CNTN4: variants seen among roughly 807,000 people sequenced by gnomAD.
The protein encoded by CNTN4 is contactin-4.
Under a neutral mutation model 122.5 loss-of-function variants are expected in CNTN4, and 77 were observed. The ratio of observed to expected loss-of-function variants is 0.63; its 90% confidence interval spans 0.52 to 0.76. CNTN4 has a LOEUF of 0.76. Ranked by LOEUF, CNTN4 falls within the 30% of genes least tolerant of loss-of-function variation. CNTN4 has a pLI of 0.00. For missense variants in CNTN4, 1,256 were observed against 1,259.1 expected (o/e 1.00, Z 0.04); for synonymous variants, 512 against 447.0 (o/e 1.15, Z -1.83).
intron 3 of CNTN4, among the ~76,000 whole-genome samples, chr3:2,414,051 G>C (rs2047324137): frequency 6.6e-6 from 1 of 152,136 alleles, no homozygotes; most frequent in South Asian, 2.1e-4. Flanking sequence ...TCACCCCATA[G>C]ACAGTGGGGA....
chr3:2,172,719 G>T (rs575205326), intron 2 of CNTN4, among the ~76,000 whole-genome samples: 1 of 152,190 alleles, frequency 6.6e-6, no homozygotes, highest in African/African-American at 2.4e-5. Context: ...AACTGCTCTA[G>T]CTGCAGTGTA....
intron 2 of CNTN4, among the ~76,000 whole-genome samples, chr3:2,125,268 A>G (rs2034067758): frequency 6.6e-6 from 1 of 151,846 alleles, no homozygotes; most frequent in African/African-American, 2.4e-5. Context: ...TTCCAGGTAC[A>G]TGTATGTTGT....
intron 4 of CNTN4, among the ~76,000 whole-genome samples, chr3:2,644,508 C>A (rs1374944523): frequency 6.6e-6 from 1 of 151,688 alleles, no homozygotes; most frequent in Non-Finnish European, 1.5e-5. Flanking sequence ...CATGCTTTAC[C>A]CTGTATCTCT....
At chr3:3,021,747 C>T (rs1353807824) in intron 14 of CNTN4, among the ~76,000 whole-genome samples, 4 of 152,112 alleles carry the variant, frequency 2.6e-5, no homozygotes, top group Non-Finnish European at 5.9e-5. Context: ...AAATGGAATT[C>T]GTATCCTGTG....
intron 12 of CNTN4, among the ~76,000 whole-genome samples, chr3:2,919,883 A>G (rs149668403): frequency 6.6e-6 from 1 of 152,284 alleles, no homozygotes; most frequent in African/African-American, 2.4e-5. Flanking sequence ...TATATAAGAA[A>G]TAATGTTCTA....
At chr3:2,890,999 A>AT (rs79380829) in intron 10 of CNTN4, among the ~76,000 whole-genome samples, 63,306 of 151,560 alleles carry the variant, frequency 0.42, 13,493 homozygotes, top group East Asian at 0.67. Context: ...TGTTTAACAA[A>AT]TTTTTTTTTA....
chr3:2,907,204 C>T (rs1368787434), intron 12 of CNTN4, among the ~76,000 whole-genome samples: 1 of 152,154 alleles, frequency 6.6e-6, no homozygotes, highest in Non-Finnish European at 1.5e-5. Context: ...ACTAAATTGT[C>T]ATTACCTATG....
At chr3:2,286,203 C>G (rs1468104239) in intron 2 of CNTN4, among the ~76,000 whole-genome samples, 6 of 138,790 alleles carry the variant, frequency 4.3e-5, no homozygotes, top group African/African-American at 1.5e-4. Context: ...TCTCGGATCT[C>G]CTGCCGTGTG....
chr3:2,874,468 G>A (rs569667810), intron 8 of CNTN4, among the ~76,000 whole-genome samples: 1 of 152,254 alleles, frequency 6.6e-6, no homozygotes, highest in South Asian at 2.1e-4. Flanking sequence ...GCATTCTTTT[G>A]ATCATGCATT....
chr3:2,544,476 T>A (rs1231106486), intron 3 of CNTN4, among the ~76,000 whole-genome samples: 1 of 152,100 alleles, frequency 6.6e-6, no homozygotes, highest in East Asian at 1.9e-4. Context: ...TCTGATGGGA[T>A]ACAAAAAATG....
chr3:2,748,567 A>C (rs2089921967), intron 6 of CNTN4, among the ~76,000 whole-genome samples: 1 of 152,176 alleles, frequency 6.6e-6, no homozygotes, highest in Admixed American at 6.5e-5. Flanking sequence ...ATGAAATTAA[A>C]CCTTTAATTT....
chr3:2,593,371 A>T (rs549692220), intron 4 of CNTN4, among the ~76,000 whole-genome samples: 2 of 152,292 alleles, frequency 1.3e-5, no homozygotes, highest in East Asian at 3.9e-4. Flanking sequence ...CTTCGCAATT[A>T]TCGGATAGGT....
chr3:2,671,384 G>A (rs186461627), intron 4 of CNTN4, among the ~76,000 whole-genome samples: 2 of 152,148 alleles, frequency 1.3e-5, no homozygotes, highest in East Asian at 3.9e-4. Flanking sequence ...GATCGAATCG[G>A]CTACTGAAGC....
At chr3:2,894,463 T>C (rs2094083428) in intron 10 of CNTN4, among the ~76,000 whole-genome samples, 1 of 152,238 alleles carries the variant, frequency 6.6e-6, no homozygotes, top group South Asian at 2.1e-4. Flanking sequence ...TGAATCTGGA[T>C]GTTAATGTCT....
chr3:2,275,554 A>G (rs2041473907), intron 2 of CNTN4, among the ~76,000 whole-genome samples: 2 of 151,708 alleles, frequency 1.3e-5, no homozygotes, highest in African/African-American at 2.4e-5. Context: ...ACAATTATAT[A>G]TTATATACAT....
chr3:2,932,531 T>G (rs1017199953), intron 13 of CNTN4, among the ~76,000 whole-genome samples: 2 of 152,188 alleles, frequency 1.3e-5, no homozygotes, highest in African/African-American at 2.4e-5. Context: ...GTTTCCAGCT[T>G]CTACAGGTCA....
intron 7 of CNTN4, among the ~76,000 whole-genome samples, chr3:2,832,683 G>T (rs1319443179): frequency 6.6e-6 from 1 of 152,206 alleles, no homozygotes; most frequent in African/African-American, 2.4e-5. Flanking sequence ...TGAAAGTGGT[G>T]ACTGAAGCAA....
intron 2 of CNTN4, among the ~76,000 whole-genome samples, chr3:2,182,443 C>G (rs1290309296): frequency 6.0e-5 from 9 of 150,000 alleles, no homozygotes; most frequent in Non-Finnish European, 3.0e-5. Context: ...TATTTCTTCA[C>G]TACTAAATAA....
chr3:2,311,387 A>G (rs998355892), intron 2 of CNTN4, among the ~76,000 whole-genome samples: 3 of 152,132 alleles, frequency 2.0e-5, no homozygotes, highest in Admixed American at 6.6e-5. Context: ...TCTTGTAGCC[A>G]TTAAAAATAT....
Sources: gnomAD v4.1 joint callset for allele counts (sites outside exome capture counted in the v4.1 genomes callset) on GRCh38, gnomAD v4.1.1 for gene constraint, MANE v1.5 for transcripts, NCBI Gene and HGNC (gene_info 2026-07-23, HGNC 2026-07-21) for gene names.